PLD5: variants seen among roughly 807,000 people sequenced by gnomAD.
PLD5 encodes the protein phospholipase D family member 5.
A neutral mutation model predicts 61.1 loss-of-function variants in PLD5; 36 were observed. The observed-to-expected ratio is 0.59, with a 90% CI of 0.45 to 0.78. The LOEUF (loss-of-function observed/expected upper bound fraction) is 0.78. PLD5 is among the 30% of genes least tolerant of loss of function. PLD5 has a pLI of 0.00. For missense variants in PLD5, 515 were observed against 644.4 expected (o/e 0.80, Z 2.17); for synonymous variants, 243 against 242.8 (o/e 1.00, Z -0.01).
At chr1:242,262,148 A>G in intron 4 of PLD5, among the ~76,000 whole-genome samples, 1 of 152,220 alleles carries the variant, frequency 6.6e-6, no homozygotes, top group African/African-American at 2.4e-5. Context: ...TGTAAAATAA[A>G]CCACTGCTGT....
intron 5 of PLD5, among the ~76,000 whole-genome samples, chr1:242,165,089 C>A (rs1666205525): frequency 6.6e-6 from 1 of 151,970 alleles, no homozygotes; most frequent in Admixed American, 6.6e-5. Flanking sequence ...GATGAAATAG[C>A]TTCCCACCTC....
At chr1:242,240,337 C>T (rs775274134) in intron 4 of PLD5, among the ~76,000 whole-genome samples, 11 of 152,192 alleles carry the variant, frequency 7.2e-5, no homozygotes, top group Non-Finnish European at 1.3e-4. Context: ...TATCCATCTC[C>T]ACTGCTCTCC....
chr1:242,168,370 C>A (rs1170299082), intron 5 of PLD5, among the ~76,000 whole-genome samples: 2 of 152,206 alleles, frequency 1.3e-5, no homozygotes, highest in Admixed American at 6.5e-5. Flanking sequence ...AACTCCACTG[C>A]AGCCTAGGCA....
rs1962379 is a variant in PLD5, at chr1:242,459,743, T to A, written c.189+64345A>T. On this transcript the variant is annotated intron_variant, in intron 1 of 9. Transcript: ENST00000536534. ...CCTACAGAGAGCCTATGAGTGGAAG[T>A]GCAGTCAGGGAGGTTTCACATCACC... Among the ~76,000 whole-genome samples, 3 of 151,868 alleles carry A rather than the reference T, an allele frequency of 2.0e-5. No individual in the cohort carries two copies. In the East Asian group the frequency reaches 5.8e-4, roughly 29 times the overall value.
chr1:242,421,536 C>T (rs747316739), intron 1 of PLD5, among the ~76,000 whole-genome samples: 8 of 152,148 alleles, frequency 5.3e-5, no homozygotes, highest in South Asian at 2.1e-4. Flanking sequence ...GCAAATCATA[C>T]GACCAAGCCT....
intron 1 of PLD5, among the ~76,000 whole-genome samples, chr1:242,470,031 A>G (rs1438791350): frequency 6.6e-6 from 1 of 152,150 alleles, no homozygotes; most frequent in Non-Finnish European, 1.5e-5. Context: ...AAAGCAAACC[A>G]GATGGGTGCC....
intron 1 of PLD5, among the ~76,000 whole-genome samples, chr1:242,500,305 T>C (rs12035032): frequency 0.32 from 49,153 of 152,084 alleles, 8,300 homozygotes; most frequent in Admixed American, 0.42. Flanking sequence ...TGGTTACACA[T>C]TTGGTTATTA....
chr1:242,162,110 A>G (rs1665887025), intron 5 of PLD5, among the ~76,000 whole-genome samples: 1 of 152,202 alleles, frequency 6.6e-6, no homozygotes, highest in Non-Finnish European at 1.5e-5. Flanking sequence ...CATTTATTCA[A>G]TTAACAAGTT....
At chr1:242,456,005 C>G (rs998153870) in intron 1 of PLD5, among the ~76,000 whole-genome samples, 1 of 152,238 alleles carries the variant, frequency 6.6e-6, no homozygotes, top group African/African-American at 2.4e-5. Context: ...TGAACCTGTC[C>G]TTCCAGGACA....
intron 2 of PLD5, among the ~76,000 whole-genome samples, chr1:242,299,834 A>G (rs1198551210): frequency 2.6e-5 from 4 of 152,238 alleles, no homozygotes; most frequent in Non-Finnish European, 5.9e-5. Flanking sequence ...TCATGTATTT[A>G]TACCCTGTAA....
chr1:242,420,190 G>A (rs1044001691), intron 1 of PLD5, among the ~76,000 whole-genome samples: 3 of 152,142 alleles, frequency 2.0e-5, no homozygotes, highest in Non-Finnish European at 2.9e-5. Context: ...AAGCTTTTAT[G>A]AGGTGGATAC....
intron 2 of PLD5, among the ~76,000 whole-genome samples, chr1:242,327,903 C>A (rs186004753): frequency 6.6e-6 from 1 of 151,692 alleles, no homozygotes; most frequent in Admixed American, 6.6e-5. Context: ...CCAGCCTGGG[C>A]AACATAGCAA....
intron 2 of PLD5, among the ~76,000 whole-genome samples, chr1:242,319,255 C>A (rs6674479): frequency 0.51 from 76,645 of 151,442 alleles, 20,427 homozygotes; most frequent in East Asian, 0.83. Flanking sequence ...ATTTTAACAT[C>A]TCTCACCTTC....
chr1:242,093,183 T>A (rs1659971909), intron 9 of PLD5, among the ~76,000 whole-genome samples: 1 of 152,184 alleles, frequency 6.6e-6, no homozygotes, highest in Non-Finnish European at 1.5e-5. Flanking sequence ...TCGTGTGCTC[T>A]TAGACACGTG....
At chr1:242,176,118 G>T (rs533301828) in intron 5 of PLD5, among the ~76,000 whole-genome samples, 2 of 152,092 alleles carry the variant, frequency 1.3e-5, no homozygotes, top group African/African-American at 2.4e-5. Flanking sequence ...AAAAGAGCCC[G>T]CATAGCCAAG....
chr1:242,189,000 AAG>A (rs148313969), intron 5 of PLD5, among the ~76,000 whole-genome samples: 2,750 of 152,292 alleles, frequency 0.018, 85 homozygotes, highest in African/African-American at 0.063. Flanking sequence ...AACAAACAAA[AAG>A]AGATACTGGT....
intron 1 of PLD5, among the ~76,000 whole-genome samples, chr1:242,445,585 A>G (rs10926738): frequency 0.34 from 51,137 of 151,578 alleles, 8,983 homozygotes; most frequent in African/African-American, 0.37. Context: ...CAGGCCATCC[A>G]CCCGCCTCGG....
At chr1:242,211,297 T>C (rs754921550) in intron 5 of PLD5, among the ~76,000 whole-genome samples, 15 of 152,118 alleles carry the variant, frequency 9.9e-5, no homozygotes, top group Non-Finnish European at 2.2e-4. Context: ...CAGGATAGGG[T>C]TATGGCTAAA....
intron 1 of PLD5, among the ~76,000 whole-genome samples, chr1:242,427,100 T>C (rs959489065): frequency 2.6e-5 from 4 of 152,202 alleles, no homozygotes; most frequent in Non-Finnish European, 4.4e-5. Flanking sequence ...TCAAACTTTA[T>C]CTGAGCAAGA....
Sources: gnomAD v4.1 joint callset for allele counts (sites outside exome capture counted in the v4.1 genomes callset) on GRCh38, gnomAD v4.1.1 for gene constraint, MANE v1.5 for transcripts, NCBI Gene and HGNC (gene_info 2026-07-23, HGNC 2026-07-21) for gene names.